Variants in ZFC3H1 observed in about 807,000 individuals in gnomAD.
ZFC3H1 encodes zinc finger C3H1-type containing.
A neutral mutation model predicts 243.7 loss-of-function variants in ZFC3H1; 71 were observed. The observed-to-expected ratio is 0.29, with a 90% confidence interval of 0.24 to 0.36. ZFC3H1 has a LOEUF of 0.36. Ranked by LOEUF, ZFC3H1 falls within the 10% of genes least tolerant of loss-of-function variation. The pLI is 1.00. For missense variants in ZFC3H1, 1,966 were observed against 2,317.1 expected, an observed-to-expected ratio of 0.85 and a Z score of 3.11; for synonymous variants, 838 against 813.0, an observed-to-expected ratio of 1.03 and a Z score of -0.52.
Position 71,662,918 on chromosome 12 carries a change from G to A in ZFC3H1, c.598+95C>T, listed in dbSNP as rs548911902. The A allele has an allele frequency of 2.6e-4, 321 of 1,258,148 alleles. 2 individuals are homozygous for A. The African/African-American group carries it at 4.3e-3, about 17-fold the overall frequency. The allele number at this position is 1,258,148 out of a possible 1,614,324, so 77.9% of individuals were successfully genotyped here. The stretch of plus-strand genomic sequence containing the variant: ...GACACAGGGAGAAATAAGCGGTTCT[G>A]ATGATTCAAAGTTACACTCGTCTCA... On this transcript the variant is annotated intron_variant, in intron 1 of 34. Coordinates refer to ENST00000378743, the MANE Select transcript of ZFC3H1 (RefSeq NM_144982.5).
At chr12:71,643,042 T>C (rs1424957746) in intron 5 of ZFC3H1, among the ~76,000 whole-genome samples, 2 of 152,238 alleles carry the variant, frequency 1.3e-5, no homozygotes, top group African/African-American at 2.4e-5. Flanking sequence ...TATGTTGTTT[T>C]CTTGTCTACT....
intron 24 of ZFC3H1, among the ~76,000 whole-genome samples, chr12:71,622,073 TCA>T (rs1398167497): frequency 6.6e-6 from 1 of 152,256 alleles, no homozygotes; most frequent in Non-Finnish European, 1.5e-5. Context: ...CACAGAATTC[TCA>T]GTCTGATAAG....
In ZFC3H1 at chr12:71,611,106, A is replaced by G. The variant is rs1163819905; in HGVS notation, c.5730-9T>C. 6.4e-6 allele frequency: 8 copies of G among 1,243,358 alleles called. No homozygotes were observed. In the South Asian group the frequency reaches 8.9e-5, roughly 14 times the overall value. The allele number at this position is 1,243,358 out of a possible 1,614,324, so 77.0% of individuals were successfully genotyped here. On this transcript the variant is annotated splice_polypyrimidine_tract_variant and intron_variant, in intron 32 of 34. Transcript: ENST00000378743. ...TCTCAGCAGCAATGGCTCTAAGAGAAAAAAAAAAAAAAAGAAATATAGAAA... is the reference window on the plus strand; with the variant it reads ...TCTCAGCAGCAATGGCTCTAAGAGAGAAAAAAAAAAAAAGAAATATAGAAA...
chr12:71,663,263 A>G lies in ZFC3H1; in HGVS notation c.348T>C (p.Ser116=), dbSNP rs769146102. 2.4e-5 allele frequency: 38 copies of G among 1,613,732 alleles called. No individual in the cohort carries two copies. The highest frequency in any genetic ancestry group is 3.1e-5 in the Non-Finnish European group (37 of 1,180,044). The change falls in exon 1 of 35, where the codon TCT becomes TCC. Residue 116 remains serine (S), a synonymous_variant. Transcript: ENST00000378743. ...PKEPFRSHPP[S]VRMPSSSLSE... ...ACAGTGAGCTCGAAGGCATCCGTAC[A>G]GAAGGCGGATGAGACCGGAACGGTT...
intron 25 of ZFC3H1, 35 bp from the exon 26 acceptor site, chr12:71,620,159 GAA>G (rs1179189508): frequency 6.2e-7 from 1 of 1,611,424 alleles, no homozygotes; most frequent in Non-Finnish European, 8.5e-7. Flanking sequence ...CTAAAGACAT[GAA>G]AAGATCACTT....
chr12:71,610,142 TA>T lies in ZFC3H1; in HGVS notation c.*285del. ...AAAATAAAAAAAAACAAAGCAAAAT[TA>T]AAATAAATGTCAGTCACTTTGAGGA... On this transcript the variant is annotated 3_prime_UTR_variant, in exon 35 of 35. Coordinates refer to ENST00000378743, the MANE Select transcript of ZFC3H1 (RefSeq NM_144982.5). The T allele has an allele frequency of 4.3e-6, 1 of 232,414 alleles. No homozygotes were observed. The highest frequency in any genetic ancestry group is 8.2e-6 in the Non-Finnish European group (1 of 121,216). 14.4% of individuals were successfully genotyped at this position (232,414 alleles called of 1,614,324 possible).
intron 16 of ZFC3H1, 64 bp downstream of exon 16, chr12:71,631,714 G>T: frequency 7.5e-7 from 1 of 1,331,128 alleles, no homozygotes. Context: ...AAATATTCAA[G>T]ATAAAATATT....
intron 6 of ZFC3H1, among the ~76,000 whole-genome samples, chr12:71,640,208 G>C (rs1004763620): frequency 1.3e-5 from 2 of 152,140 alleles, no homozygotes; most frequent in Non-Finnish European, 2.9e-5. Context: ...TTTTAGTAGA[G>C]GCGAGGTTTC....
chr12:71,634,930 T>C (rs377571546), intron 10 of ZFC3H1, 105 bp from the exon 11 acceptor site: 8 of 1,266,200 alleles, frequency 6.3e-6, no homozygotes, highest in African/African-American at 3.1e-5. Context: ...TGAATTTATT[T>C]AGAAATACCT....
intron 27 of ZFC3H1, among the ~76,000 whole-genome samples, chr12:71,615,548 G>A (rs528428203): frequency 3.4e-4 from 51 of 151,918 alleles, no homozygotes; most frequent in African/African-American, 9.2e-4. Context: ...ACAGAGTCTC[G>A]CTCTGTCACC....
Position 71,633,246 on chromosome 12 carries a change from G to T in ZFC3H1, c.2685+18C>A. 2 of 1,561,828 alleles carry T rather than the reference G, an allele frequency of 1.3e-6. No homozygotes were observed. The highest frequency in any genetic ancestry group is 1.7e-6 in the Non-Finnish European group (2 of 1,160,002). ...AATGTGTAGTAAACAGGAGACTACA[G>T]TATTTTAAAATAATTACTTGTTCCT... On this transcript the variant is annotated intron_variant, in intron 13 of 34. Coordinates refer to ENST00000378743, the MANE Select transcript of ZFC3H1 (RefSeq NM_144982.5).
chr12:71,620,049 A>G lies in ZFC3H1; in HGVS notation c.4926T>C (p.Leu1642=), dbSNP rs1208168786. 6.2e-7 allele frequency: 1 copy of G among 1,613,922 alleles called. No individual in the cohort carries two copies. The highest frequency in any genetic ancestry group is 8.5e-7 in the Non-Finnish European group (1 of 1,179,962). Residue 1642 remains leucine (L), a synonymous_variant, in exon 26 of 35, where the codon CTT becomes CTC. Transcript: ENST00000378743. ...GATTTGTTTGCAAATATAATGCAAC[A>G]AGAGCTTCCAGCAACTGGCAGTTAA... ...CPINCQLLEA[L]VALYLQTNQH...
At position 71,620,316 on chromosome 12, in the gene ZFC3H1, C is replaced by T; in HGVS notation, c.4745-1G>A. The stretch of plus-strand genomic sequence containing the variant: ...TCATCTGTGCAAGCTTTCACTGCAT[C>T]TACCCAAAAACATCACAACAACATG... On this transcript the variant is annotated splice_acceptor_variant, in intron 24 of 34. Coordinates refer to ENST00000378743, the MANE Select transcript of ZFC3H1 (RefSeq NM_144982.5). LOFTEE classifies it high-confidence loss of function. The T allele has an allele frequency of 6.2e-7, 1 of 1,613,964 alleles. No homozygotes were observed. The highest frequency in any genetic ancestry group is 8.5e-7 in the Non-Finnish European group (1 of 1,179,884).
intron 1 of ZFC3H1, 112 bp downstream of exon 1, chr12:71,662,901 G>C (rs986549983): frequency 9.3e-7 from 1 of 1,070,120 alleles, no homozygotes; most frequent in Non-Finnish European, 1.4e-6. Context: ...CTGACACAGG[G>C]AGAAATAAGC....
Position 71,626,486 on chromosome 12 carries a change from C to A in ZFC3H1, c.4131-40G>T, listed in dbSNP as rs751934154. On this transcript the variant is annotated intron_variant, in intron 21 of 34. Transcript: ENST00000378743. ...GAAAAGGTGGAAGTGCTTTTTAGAA[C>A]CTGCTTGAAAATTTAAATAGGGCTA... 6 of 1,525,658 alleles carry A rather than the reference C, an allele frequency of 3.9e-6. No individual in the cohort carries two copies. The African/African-American group carries it at 7.0e-5, about 18-fold the overall frequency. 94.5% of individuals were successfully genotyped at this position (1,525,658 alleles called of 1,614,324 possible).
chr12:71,634,873 A>C (rs1442686352), intron 10 of ZFC3H1, 48 bp from the exon 11 acceptor site: 17 of 1,558,088 alleles, frequency 1.1e-5, no homozygotes, highest in Admixed American at 2.1e-5. Flanking sequence ...CAGCTTTCCA[A>C]AATTCCATAC....
chr12:71,630,644 C>T lies in ZFC3H1; in HGVS notation c.3680G>A (p.Gly1227Asp). ...DILSYNLSLI[G>D]CAETSTNEEI... ...TTCATTAGTACTTGTCTCTGCACAA[C>T]CAATCAAAGACAGATTATATGACAG... The change falls in exon 18 of 35, where the codon GGT becomes GAT. Residue 1227 changes from glycine (G) to aspartate (D), a missense_variant. Gly to Asp is a moderately conservative substitution (Grantham distance 94, BLOSUM62 -1). This residue lies in a region of ZFC3H1 where 1,383 missense variants were observed against 1,723.7 expected (regional missense o/e 0.80). Transcript: ENST00000378743. The T allele has an allele frequency of 1.2e-6, 2 of 1,613,604 alleles. No homozygotes were observed. The highest frequency in any genetic ancestry group is 1.3e-5 in the African/African-American group (1 of 74,984).
At chr12:71,629,449 G>C (rs540833538) in intron 19 of ZFC3H1, among the ~76,000 whole-genome samples, 160 bp downstream of exon 19, 1 of 151,850 alleles carries the variant, frequency 6.6e-6, no homozygotes, top group Non-Finnish European at 1.5e-5. Context: ...TTACAGGCGT[G>C]AGCCAGCGCA....
intron 14 of ZFC3H1, 67 bp downstream of exon 14, chr12:71,632,819 T>G (rs1000317736): frequency 1.3e-6 from 2 of 1,581,534 alleles, no homozygotes; most frequent in Non-Finnish European, 8.6e-7. Context: ...TATATACATC[T>G]TACCCTTAAA....
Sources: gnomAD v4.1 joint callset for allele counts (sites outside exome capture counted in the v4.1 genomes callset) on GRCh38, gnomAD v4.1.1 for gene constraint, gnomAD v4.1.1 regional missense constraint, MANE v1.5 for transcripts, NCBI Gene and HGNC (gene_info 2026-07-23, HGNC 2026-07-21) for gene names.